MYT1L: variants seen among roughly 807,000 people sequenced by gnomAD.
MYT1L encodes myelin transcription factor 1-like protein.
In MYT1L, 12 loss-of-function variants were observed where a neutral mutation model predicts 126.7. That is an observed-to-expected ratio of 0.09 (90% CI 0.06 to 0.15). The LOEUF (loss-of-function observed/expected upper bound fraction) is 0.15. Among genes scored for constraint, MYT1L ranks in the 10% least tolerant of loss-of-function variants. The pLI is 1.00. For synonymous variants in MYT1L, 541 were observed against 604.2 expected (o/e 0.90, Z 1.53); for missense variants, 979 against 1,585.2 (o/e 0.62, Z 6.49).
At chr2:2,244,119 C>G (rs941689358) in intron 2 of MYT1L, among the ~76,000 whole-genome samples, 1 of 152,168 alleles carries the variant, frequency 6.6e-6, no homozygotes, top group African/African-American at 2.4e-5. Flanking sequence ...GGAAAATACT[C>G]AAACTTATCA....
At chr2:2,167,513 C>A (rs905080733) in intron 3 of MYT1L, among the ~76,000 whole-genome samples, 5 of 152,190 alleles carry the variant, frequency 3.3e-5, no homozygotes, top group Middle Eastern at 3.2e-3. Context: ...GGAAATCAAA[C>A]CCTGTCTCCT....
At chr2:2,129,905 CAA>C (rs11417173) in intron 3 of MYT1L, among the ~76,000 whole-genome samples, 11 of 118,594 alleles carry the variant, frequency 9.3e-5, no homozygotes, top group Admixed American at 1.9e-4. Context: ...GACTCCATCT[CAA>C]AAAAAAAAAA....
intron 2 of MYT1L, among the ~76,000 whole-genome samples, chr2:2,272,157 G>A (rs1422401328): frequency 1.5e-4 from 23 of 149,906 alleles, no homozygotes; most frequent in African/African-American, 4.9e-4. Context: ...GCCTGAAGCC[G>A]AAGATGACAG....
At chr2:1,875,495 G>T (rs1258175514) in intron 18 of MYT1L, among the ~76,000 whole-genome samples, 1 of 152,196 alleles carries the variant, frequency 6.6e-6, no homozygotes. Flanking sequence ...AAGCCTTGTG[G>T]TGAAATACTT....
At chr2:2,259,189 A>G in intron 2 of MYT1L, among the ~76,000 whole-genome samples, 1 of 89,522 alleles carries the variant, frequency 1.1e-5, no homozygotes, top group Middle Eastern at 4.1e-3. Flanking sequence ...GTGGGAATTG[A>G]ACAATGAGAT....
intron 3 of MYT1L, among the ~76,000 whole-genome samples, chr2:2,134,969 C>A (rs564844583): frequency 6.6e-6 from 1 of 152,226 alleles, no homozygotes; most frequent in African/African-American, 2.4e-5. Flanking sequence ...TTCAAGTCTC[C>A]CCACATTCCA....
chr2:2,026,816 C>T (rs910319076), intron 4 of MYT1L, among the ~76,000 whole-genome samples: 4 of 152,012 alleles, frequency 2.6e-5, no homozygotes, highest in Admixed American at 6.5e-5. Flanking sequence ...TAGCCTTGTG[C>T]GGGGCCCCTC....
intron 1 of MYT1L, among the ~76,000 whole-genome samples, chr2:2,321,636 G>C (rs988871040): frequency 6.6e-6 from 1 of 152,008 alleles, no homozygotes; most frequent in Admixed American, 6.6e-5. Context: ...TTGAGATAAC[G>C]GCATGAAGGC....
At chr2:2,309,798 T>A (rs1192182192) in intron 1 of MYT1L, among the ~76,000 whole-genome samples, 1 of 151,862 alleles carries the variant, frequency 6.6e-6, no homozygotes, top group Non-Finnish European at 1.5e-5. Flanking sequence ...ATACCCTATC[T>A]ATGCTCCACT....
intron 3 of MYT1L, among the ~76,000 whole-genome samples, chr2:2,068,766 C>CTTCTTTTTTTTTT (rs1370285207): frequency 1.7e-4 from 1 of 5,874 alleles, no homozygotes; most frequent in Non-Finnish European, 3.7e-4. Context: ...CTGTGTTCTT[C>CTTCTTTTTTTTTT]TTGTTTTTTT....
chr2:2,173,510 G>A (rs931883428), intron 2 of MYT1L, among the ~76,000 whole-genome samples: 2 of 152,134 alleles, frequency 1.3e-5, no homozygotes, highest in Non-Finnish European at 2.9e-5. Context: ...CTTCATTAAT[G>A]GAAATGTAGA....
In MYT1L at chr2:2,123,906, G is replaced by T. The variant is rs115547354; in HGVS notation, c.-304+48966C>A. ...AGCATGTGGCGGGGCCCTGAGCCCT[G>T]GAAAGCGGCTGCCGCTGGACACTGG... On this transcript the variant is annotated intron_variant, in intron 3 of 24. Coordinates refer to ENST00000647738, the MANE Select transcript of MYT1L (RefSeq NM_001303052.2). 4.0e-3 allele frequency among the ~76,000 whole-genome samples: 604 copies of T among 152,286 alleles called. 4 individuals carry two copies. Among genetic ancestry groups the T allele is most frequent in the African/African-American group, 0.014 (584 of 41,560 alleles).
In MYT1L at chr2:2,167,641, T is replaced by C. The variant is rs182103009; in HGVS notation, c.-304+5231A>G. Reference sequence around the variant, plus strand: ...CCAAACCTCTGGCCTTTCCTGATGCTGTTACCACATCTGAACTGTGCTTGT... The same window carrying C: ...CCAAACCTCTGGCCTTTCCTGATGCCGTTACCACATCTGAACTGTGCTTGT... On this transcript the variant is annotated intron_variant, in intron 3 of 24. Coordinates refer to ENST00000647738, the MANE Select transcript of MYT1L (RefSeq NM_001303052.2). Among the ~76,000 whole-genome samples, 446 of 152,346 alleles carry C rather than the reference T, an allele frequency of 2.9e-3. 1 individual carries two copies. Among genetic ancestry groups the C allele is most frequent in the Admixed American group, 4.4e-3 (68 of 15,300 alleles).
At chr2:2,038,055 C>T (rs138474068) in intron 4 of MYT1L, among the ~76,000 whole-genome samples, 1 of 152,264 alleles carries the variant, frequency 6.6e-6, no homozygotes, top group Non-Finnish European at 1.5e-5. Flanking sequence ...CTTTGCATTC[C>T]ATGCAGACGT....
At chr2:1,890,094 G>A (rs896162273) in intron 15 of MYT1L, among the ~76,000 whole-genome samples, 3 of 149,302 alleles carry the variant, frequency 2.0e-5, no homozygotes, top group Non-Finnish European at 4.4e-5. Flanking sequence ...TTGAGGGACA[G>A]AGTCTTGCTC....
intron 2 of MYT1L, among the ~76,000 whole-genome samples, chr2:2,204,527 G>T (rs1020820386): frequency 3.5e-5 from 5 of 143,316 alleles, no homozygotes; most frequent in East Asian, 2.0e-4. Flanking sequence ...ACCATCACTG[G>T]CCATCAGAGA....
intron 8 of MYT1L, among the ~76,000 whole-genome samples, chr2:1,956,236 CT>C (rs1198719350): frequency 1.3e-4 from 16 of 120,542 alleles, no homozygotes; most frequent in Non-Finnish European, 2.4e-4. Context: ...TGTCTATCAT[CT>C]ATCTATCCTA....
chr2:1,850,966 G>A (rs1163567331), intron 19 of MYT1L, among the ~76,000 whole-genome samples: 10 of 152,134 alleles, frequency 6.6e-5, no homozygotes, highest in Admixed American at 6.5e-4. Context: ...CGCTTGAATA[G>A]TCTGGTGTAC....
intron 3 of MYT1L, among the ~76,000 whole-genome samples, chr2:2,112,179 C>T (rs1219911053): frequency 2.0e-5 from 3 of 152,294 alleles, no homozygotes; most frequent in East Asian, 3.9e-4. Context: ...GTCCTGCTTT[C>T]CTGAGACCAA....
Sources: allele counts gnomAD v4.1 joint callset (sites outside exome capture counted in the v4.1 genomes callset), GRCh38; gene constraint gnomAD v4.1.1; transcripts MANE v1.5; gene names NCBI Gene and HGNC (gene_info 2026-07-23, HGNC 2026-07-21).